The following ZNF581 variants were observed in gnomAD, a reference collection of about 807,000 sequenced individuals.
ZNF581 encodes the protein zinc finger protein 581.
ZNF581 carries 1 observed loss-of-function variant against 1.2 expected under a neutral mutation model. The observed-to-expected ratio is 0.83, with a 90% CI of 0.30 to 3.95. The LOEUF (loss-of-function observed/expected upper bound fraction) is 3.95. Among genes scored for constraint, ZNF581 ranks in the 30% most tolerant of loss-of-function variants. ZNF581 has a pLI of 0.18. For missense variants in ZNF581, 273 were observed against 274.6 expected (o/e 0.99, Z 0.04); for synonymous variants, 105 against 109.2 (o/e 0.96, Z 0.24).
At chr19:55,635,286 G>A (rs1294830781), upstream of ZNF581, 2 of 152,396 alleles carry the variant, frequency 1.3e-5, no homozygotes, top group Admixed American at 6.5e-5. Context: ...AATTGCCCCA[G>A]AGGCACAGGC....
upstream of ZNF581, among the ~76,000 whole-genome samples, chr19:55,641,500 G>T (rs1389798598): frequency 6.6e-6 from 1 of 152,188 alleles, no homozygotes; most frequent in Non-Finnish European, 1.5e-5. Flanking sequence ...ACAGGGAGAG[G>T]GATGGGGCTC....
At chr19:55,639,918 G>C (rs1056379969), upstream of ZNF581, among the ~76,000 whole-genome samples, 1 of 152,164 alleles carries the variant, frequency 6.6e-6, no homozygotes, top group South Asian at 2.1e-4. Context: ...TGCTGATTAT[G>C]GGAAATGTAA....
chr19:55,642,578 C>A (rs1162646919), upstream of ZNF581: 1 of 1,450,462 alleles, frequency 6.9e-7, no homozygotes, highest in Non-Finnish European at 9.1e-7. Flanking sequence ...CCCACCGCCC[C>A]CCAAGGCTCC....
rs1225582229 is a variant in ZNF581, at chr19:55,644,301, G to A, written c.-19-252G>A. Among the ~76,000 whole-genome samples the A allele has an allele frequency of 3.9e-5, 6 of 152,178 alleles. No homozygotes were observed. Among genetic ancestry groups the A allele is most frequent in the Non-Finnish European group, 8.8e-5 (6 of 68,028 alleles). On this transcript the variant is annotated intron_variant, in intron 1 of 1. Coordinates refer to ENST00000270451, the MANE Select transcript of ZNF581 (RefSeq NM_016535.4). This position sits in a 1 kb window ranked among gnomAD's most constrained non-coding sequence, Gnocchi z 4.3. ...AGAGCGAGGTCCAGGTTGTGCAGAG[G>A]AGGTCAAGAGATCCTGTGAGTACAG...
chr19:55,642,260 C>A, upstream of ZNF581: 1 of 1,236,826 alleles, frequency 8.1e-7, no homozygotes, highest in Non-Finnish European at 1.0e-6. Context: ...GAGGTGGACC[C>A]AGGAGGAGTG....
chr19:55,637,740 G>A (rs959894656), upstream of ZNF581, among the ~76,000 whole-genome samples: 53 of 152,268 alleles, frequency 3.5e-4, no homozygotes, highest in African/African-American at 1.3e-3. Flanking sequence ...TGCTATCCTG[G>A]CCATCCCGCC....
upstream of ZNF581, chr19:55,642,011 G>A: frequency 1.0e-6 from 1 of 983,336 alleles, no homozygotes; most frequent in African/African-American, 1.8e-5. Context: ...AGGCCGATAC[G>A]GGGGCCGGTG....
upstream of ZNF581, chr19:55,640,494 T>C (rs748530095): frequency 5.1e-5 from 50 of 985,328 alleles, no homozygotes; most frequent in Non-Finnish European, 5.8e-5. Flanking sequence ...TGGCCCTCTG[T>C]GGGCCTCGGT....
chr19:55,641,392 G>C (rs888266840), upstream of ZNF581, among the ~76,000 whole-genome samples: 1 of 152,228 alleles, frequency 6.6e-6, no homozygotes, highest in Admixed American at 6.5e-5. Context: ...GGGACAGGCG[G>C]TGTGTAGCGG....
chr19:55,645,278 A>G lies in ZNF581; in HGVS notation c.*113A>G, dbSNP rs2123637243. ...TGTTCAGGGCCCTGGACACAGACAC[A>G]GAGCAGCCGCATCTCAAAGGCAGAG... is the stretch of plus-strand genomic sequence containing the variant. On this transcript the variant is annotated 3_prime_UTR_variant, in exon 2 of 2. Transcript: ENST00000270451. 2 of 914,266 alleles carry G rather than the reference A, an allele frequency of 2.2e-6. No individual in the cohort carries two copies. Among genetic ancestry groups the G allele is most frequent in the Non-Finnish European group, 3.1e-6 (2 of 635,360 alleles). The allele number at this position is 914,266 out of a possible 1,614,324, so 56.6% of individuals were successfully genotyped here.
upstream of ZNF581, among the ~76,000 whole-genome samples, chr19:55,636,103 G>T (rs932886877): frequency 6.6e-6 from 1 of 152,182 alleles, no homozygotes; most frequent in African/African-American, 2.4e-5. Context: ...TGAGAAACTC[G>T]GACTTGGTCC....
upstream of ZNF581, chr19:55,640,336 G>C: frequency 2.0e-6 from 2 of 985,136 alleles, no homozygotes; most frequent in Non-Finnish European, 2.4e-6. Flanking sequence ...CGCAGCCCGC[G>C]AGCCCGCATC....
upstream of ZNF581, chr19:55,642,311 C>A (rs953312616): frequency 8.0e-7 from 1 of 1,256,970 alleles, no homozygotes; most frequent in Admixed American, 4.2e-5. Context: ...GTTGGAGGCC[C>A]TCTCCGAGGC....
At position 55,645,021 on chromosome 19, in the gene ZNF581, C is replaced by T; in HGVS notation, c.450C>T (p.Cys150=). The part of the protein sequence containing the change: ...GGGRPHGCPL[C]PRRFRDAGEL... ...GGCGGCCCCACGGCTGCCCGCTCTG[C>T]CCTCGCCGCTTCCGGGATGCGGGTG... The change falls in exon 2 of 2, where the codon TGC becomes TGT. Residue 150 remains cysteine, a synonymous_variant. Transcript: ENST00000270451. 6.3e-7 allele frequency: 1 copy of T among 1,593,244 alleles called. No homozygotes were observed. Among genetic ancestry groups the T allele is most frequent in the Non-Finnish European group, 8.6e-7 (1 of 1,164,638 alleles).
chr19:55,639,019 A>AG (rs1555780765), upstream of ZNF581, among the ~76,000 whole-genome samples: 3 of 150,896 alleles, frequency 2.0e-5, no homozygotes, highest in Admixed American at 6.6e-5. Context: ...AAAAAAAAAA[A>AG]AAAAAGAAAA....
At chr19:55,640,892 C>T (rs1982415878), upstream of ZNF581, 1 of 985,064 alleles carries the variant, frequency 1.0e-6, no homozygotes, top group African/African-American at 1.7e-5. Flanking sequence ...CTTCAGTGGA[C>T]CCCACGCCTC....
upstream of ZNF581, chr19:55,640,138 ATGC>A: frequency 5.1e-6 from 5 of 985,440 alleles, no homozygotes; most frequent in Non-Finnish European, 6.0e-6. Context: ...GCACCTGCAG[ATGC>A]TGCTGCTGCC....
chr19:55,640,386 C>G, upstream of ZNF581: 1 of 985,504 alleles, frequency 1.0e-6, no homozygotes, highest in Non-Finnish European at 1.2e-6. Context: ...CAGCCTTTCC[C>G]ACCTCCGCAT....
At chr19:55,640,424 T>A, upstream of ZNF581, 1 of 985,472 alleles carries the variant, frequency 1.0e-6, no homozygotes, top group Non-Finnish European at 1.2e-6. Context: ...TCGCTGCGCT[T>A]CGGTGTCGCC....
Sources: allele counts gnomAD v4.1 joint callset (sites outside exome capture counted in the v4.1 genomes callset), GRCh38; gene constraint gnomAD v4.1.1; non-coding constraint Gnocchi (gnomAD v3.1); transcripts MANE v1.5; gene names NCBI Gene and HGNC (gene_info 2026-07-23, HGNC 2026-07-21).